CFAP61: variants seen among roughly 807,000 people sequenced by gnomAD.
CFAP61 encodes the protein cilia- and flagella-associated protein 61.
CFAP61 carries 107 observed loss-of-function variants against 135.6 expected under a neutral mutation model. That is an observed-to-expected ratio of 0.79 (90% CI 0.67 to 0.93). CFAP61 has a LOEUF of 0.93. Among genes scored for constraint, CFAP61 ranks in the 40% least tolerant of loss-of-function variants. The probability of loss-of-function intolerance (pLI) is 0.00; values close to 1 mark genes in which losing one functional copy is unlikely to be tolerated. For missense variants in CFAP61, 1,507 were observed against 1,556.2 expected (o/e 0.97, Z 0.53); for synonymous variants, 575 against 578.5 (o/e 0.99, Z 0.09).
At chr20:20,101,838 GGCTGGTCTT>G (rs1433229193) in intron 8 of CFAP61, among the ~76,000 whole-genome samples, 1 of 152,000 alleles carries the variant, frequency 6.6e-6, no homozygotes, top group Admixed American at 6.6e-5. Flanking sequence ...ATGTTGGCCA[GGCTGGTCTT>G]GAACTCCGGG....
intron 2 of CFAP61, among the ~76,000 whole-genome samples, chr20:20,059,196 C>T (rs1052700534): frequency 2.0e-5 from 3 of 151,498 alleles, no homozygotes; most frequent in South Asian, 4.2e-4. Context: ...AATGTGGTAG[C>T]GCGCACTCTG....
intron 2 of CFAP61, among the ~76,000 whole-genome samples, chr20:20,062,402 C>T (rs757469407): frequency 1.3e-5 from 2 of 152,064 alleles, no homozygotes; most frequent in Non-Finnish European, 2.9e-5. Flanking sequence ...AACTTATAAC[C>T]TTAAATGCTT....
intron 25 of CFAP61, among the ~76,000 whole-genome samples, chr20:20,309,727 G>C (rs62200185): frequency 0.039 from 5,902 of 152,182 alleles, 162 homozygotes; most frequent in Non-Finnish European, 0.061. Flanking sequence ...AATTATGTTT[G>C]GGACAGGAGA....
At chr20:20,354,996 G>A (rs1413203125) in intron 26 of CFAP61, among the ~76,000 whole-genome samples, 2 of 147,732 alleles carry the variant, frequency 1.4e-5, no homozygotes, top group Admixed American at 6.7e-5. Context: ...GTCACACTGA[G>A]GGGAGATGGT....
chr20:20,274,120 G>A (rs1473969721), intron 21 of CFAP61, among the ~76,000 whole-genome samples: 1 of 152,108 alleles, frequency 6.6e-6, no homozygotes, highest in South Asian at 2.1e-4. Flanking sequence ...TTATATATGG[G>A]CATTTGAGTG....
intron 22 of CFAP61, among the ~76,000 whole-genome samples, chr20:20,288,397 G>C (rs1348322570): frequency 6.6e-6 from 1 of 152,194 alleles, no homozygotes; most frequent in Non-Finnish European, 1.5e-5. Context: ...TGAGTGAATT[G>C]AGTGAATAAG....
Position 20,098,759 on chromosome 20 carries a change from A to G in CFAP61, c.804A>G (p.Pro268=), listed in dbSNP as rs1223797154. Residue 268 remains proline (P), a synonymous_variant, in exon 8 of 27, where the codon CCA becomes CCG. Coordinates refer to ENST00000245957, the MANE Select transcript of CFAP61 (RefSeq NM_015585.4). ...DLGPFHGLCF[P]HPDDVLESPQ... is the part of the protein sequence containing the mutation. ...GCCCTTTCCACGGACTCTGTTTCCC[A>G]CATCCTGATGACGTTCTGGAATCAC... 4 of 1,613,932 alleles carry G rather than the reference A, an allele frequency of 2.5e-6. No homozygotes were observed. The highest frequency in any genetic ancestry group is 2.5e-6 in the Non-Finnish European group (3 of 1,180,030).
Position 20,251,603 on chromosome 20 carries a change from T to G in CFAP61, c.2168T>G (p.Phe723Cys), listed in dbSNP as rs373913329. ...AGCTTCTCTCTTTGCAGCCACTGTTTTAATGATAAAGATTATGCACTGATG... is the reference window on the plus strand; with the variant it reads ...AGCTTCTCTCTTTGCAGCCACTGTTGTAATGATAAAGATTATGCACTGATG... Reference protein sequence around the residue: ...QRKFLASDHCFNDKDYALMSL... With the variant: ...QRKFLASDHCCNDKDYALMSL... Residue 723 changes from phenylalanine (F) to cysteine (C), a missense_variant, in exon 20 of 27, where the codon TTT (phenylalanine) becomes TGT (cysteine). By Grantham distance (205) the Phe-to-Cys change is radical. Coordinates refer to ENST00000245957, the MANE Select transcript of CFAP61 (RefSeq NM_015585.4). The G allele has an allele frequency of 2.5e-6, 4 of 1,614,018 alleles. No individual in the cohort carries two copies. Among genetic ancestry groups the G allele is most frequent in the Non-Finnish European group, 3.4e-6 (4 of 1,180,028 alleles).
rs557920674 is a variant in CFAP61 at position 20,163,361 on chromosome 20, A to G, written c.1027-689A>G. Among the ~76,000 whole-genome samples, 434 of 152,236 alleles carry G rather than the reference A, an allele frequency of 2.9e-3. 2 individuals are homozygous for G. Among genetic ancestry groups the G allele is most frequent in the African/African-American group, 0.01 (416 of 41,530 alleles). On this transcript the variant is annotated intron_variant, in intron 10 of 26. Transcript: ENST00000245957. The stretch of plus-strand genomic sequence containing the variant: ...TTCCTGGGCTCCACCTCCCCACGAT[A>G]GTTACTCCCAGGACCACCTGAGCAG...
chr20:20,163,940 T>A, intron 10 of CFAP61, 110 bp from the exon 11 acceptor site: 1 of 834,630 alleles, frequency 1.2e-6, no homozygotes, highest in Non-Finnish European at 1.8e-6. Flanking sequence ...CGGGTGACAG[T>A]CACACCTGTC....
chr20:20,115,599 G>T (rs1238355738), intron 8 of CFAP61, among the ~76,000 whole-genome samples: 1 of 151,896 alleles, frequency 6.6e-6, no homozygotes, highest in Non-Finnish European at 1.5e-5. Flanking sequence ...CCACTCCACT[G>T]TTCTTCCTGG....
At chr20:20,273,572 A>G in intron 21 of CFAP61, among the ~76,000 whole-genome samples, 1 of 152,260 alleles carries the variant, frequency 6.6e-6, no homozygotes, top group East Asian at 1.9e-4. Flanking sequence ...TCTTAGGATC[A>G]GCAATCTAAT....
intron 25 of CFAP61, among the ~76,000 whole-genome samples, chr20:20,314,664 C>A (rs1652804964): frequency 7.1e-6 from 1 of 140,124 alleles, no homozygotes; most frequent in East Asian, 2.1e-4. Context: ...TTAGGTATAT[C>A]TCCCAATGCT....
intron 9 of CFAP61, among the ~76,000 whole-genome samples, chr20:20,151,980 G>C (rs936080790): frequency 6.6e-6 from 1 of 151,954 alleles, no homozygotes; most frequent in Non-Finnish European, 1.5e-5. Context: ...AACATCAGGC[G>C]ACCTATAAAG....
At chr20:20,145,876 A>T (rs549372595) in intron 9 of CFAP61, among the ~76,000 whole-genome samples, 1 of 152,394 alleles carries the variant, frequency 6.6e-6, no homozygotes, top group African/African-American at 2.4e-5. Context: ...AACTGCAAAG[A>T]TAAATCAATA....
chr20:20,230,032 G>GTTA (rs2049015417), intron 18 of CFAP61, among the ~76,000 whole-genome samples: 1 of 147,986 alleles, frequency 6.8e-6, no homozygotes, highest in Non-Finnish European at 1.5e-5. Context: ...CAGTTAAGAA[G>GTTA]TTATAAACAG....
chr20:20,098,265 G>A (rs928510632), intron 7 of CFAP61, among the ~76,000 whole-genome samples: 1 of 152,176 alleles, frequency 6.6e-6, no homozygotes, highest in African/African-American at 2.4e-5. Flanking sequence ...ACCACATTCT[G>A]AGGGCTCTGG....
intron 11 of CFAP61, among the ~76,000 whole-genome samples, chr20:20,165,096 C>G (rs1032561421): frequency 6.6e-6 from 1 of 152,182 alleles, no homozygotes; most frequent in Non-Finnish European, 1.5e-5. Flanking sequence ...ACAGCCAAAC[C>G]ATATCACCCT....
chr20:20,138,313 G>A (rs1233368052), intron 8 of CFAP61, among the ~76,000 whole-genome samples: 4 of 152,174 alleles, frequency 2.6e-5, no homozygotes, highest in Non-Finnish European at 2.9e-5. Context: ...CTCAGTCCTC[G>A]TGGCCTAGAC....
Sources: allele counts gnomAD v4.1 joint callset (sites outside exome capture counted in the v4.1 genomes callset), GRCh38; gene constraint gnomAD v4.1.1; transcripts MANE v1.5; gene names NCBI Gene and HGNC (gene_info 2026-07-23, HGNC 2026-07-21).